GALK2: variants seen among roughly 807,000 people sequenced by gnomAD.
GALK2 encodes galactokinase 2, also known as N-acetylgalactosamine kinase.
GALK2 carries 36 observed loss-of-function variants against 52.4 expected under a neutral mutation model. That is an observed-to-expected ratio of 0.69 (90% CI 0.53 to 0.91). The LOEUF (loss-of-function observed/expected upper bound fraction) is 0.91. Ranked by LOEUF, GALK2 falls within the 40% of genes least tolerant of loss-of-function variation. The pLI is 0.00. For missense variants in GALK2, 579 were observed against 559.1 expected (o/e 1.04, Z -0.36); for synonymous variants, 176 against 199.1 (o/e 0.88, Z 0.98).
At chr15:49,243,391 C>T (rs1314532821) in intron 5 of GALK2, among the ~76,000 whole-genome samples, 1 of 152,064 alleles carries the variant, frequency 6.6e-6, no homozygotes, top group Non-Finnish European at 1.5e-5. Context: ...AACCTCACCA[C>T]CCTACACTCC....
chr15:49,163,026 T>TATG (rs1467973276), intron 1 of GALK2, among the ~76,000 whole-genome samples: 1 of 152,242 alleles, frequency 6.6e-6, no homozygotes, highest in Non-Finnish European at 1.5e-5. Flanking sequence ...GGTTGGGTCA[T>TATG]ATGGTAGGTA....
rs1411833956 is a variant in GALK2, at chr15:49,354,908, G to C, written c.427-12583G>C. Reference sequence around the variant, plus strand: ...CTGGAGATCTGAGAACGGGCAGACTGCCTCCTCAAGTGGGTCCCTGACCCC... The same window carrying C: ...CTGGAGATCTGAGAACGGGCAGACTCCCTCCTCAAGTGGGTCCCTGACCCC... On this transcript the variant is annotated intron_variant, in intron 3 of 3. Transcript: ENST00000558399. Among the ~76,000 whole-genome samples, 8 of 152,140 alleles carry C rather than the reference G, an allele frequency of 5.3e-5. No individual in the cohort carries two copies. The South Asian group carries it at 1.0e-3, about 20-fold the overall frequency.
chr15:49,212,226 G>A (rs1447796364), intron 2 of GALK2, among the ~76,000 whole-genome samples: 1 of 152,048 alleles, frequency 6.6e-6, no homozygotes, highest in Non-Finnish European at 1.5e-5. Context: ...CCGAGTAGCT[G>A]GGATTACAGG....
At chr15:49,345,623 T>C (rs1417941027) in intron 3 of GALK2, among the ~76,000 whole-genome samples, 1 of 152,222 alleles carries the variant, frequency 6.6e-6, no homozygotes, top group Non-Finnish European at 1.5e-5. Flanking sequence ...TGAATTGGCC[T>C]CATACTTTAT....
rs373620147 is a variant in GALK2, at chr15:49,328,023, C to T, written c.1241C>T (p.Ala414Val). 33 of 1,613,802 alleles carry T rather than the reference C, an allele frequency of 2.0e-5. No individual in the cohort carries two copies. Among genetic ancestry groups the T allele is most frequent in the Middle Eastern group, 1.6e-4 (1 of 6,080 alleles). Reference protein sequence around the residue: ...WGGCTVSMVPADKLPSFLANV... With the variant: ...WGGCTVSMVPVDKLPSFLANV... ...GGCTGCACAGTATCAATGGTACCTG[C>T]GGACAAGCTGCCCAGCTTTCTAGCA... Residue 414 changes from alanine (A) to valine (V), a missense_variant, in exon 10 of 10, where the codon GCG becomes GTG. By Grantham distance (64) the Ala-to-Val change is moderately conservative. Transcript: ENST00000560031.
chr15:49,231,513 A>G (rs1235876574), intron 3 of GALK2, among the ~76,000 whole-genome samples: 1 of 152,210 alleles, frequency 6.6e-6, no homozygotes, highest in East Asian at 1.9e-4. Context: ...CATCCTTCTC[A>G]ACAGTCCTCA....
intron 8 of GALK2, among the ~76,000 whole-genome samples, chr15:49,316,150 G>T (rs1475105081): frequency 6.6e-6 from 1 of 152,136 alleles, no homozygotes; most frequent in Non-Finnish European, 1.5e-5. Flanking sequence ...TGAATATAAT[G>T]TGTGGAATTT....
chr15:49,367,389 A>T (rs1442764554), intron 3 of GALK2: 1 of 1,380,156 alleles, frequency 7.2e-7, no homozygotes, highest in Non-Finnish European at 9.7e-7. Flanking sequence ...ATTCAGTGAA[A>T]TGTTTTGAAT....
intron 3 of GALK2, among the ~76,000 whole-genome samples, chr15:49,223,412 G>A (rs1161664824): frequency 6.6e-6 from 1 of 152,058 alleles, no homozygotes; most frequent in African/African-American, 2.4e-5. Flanking sequence ...GGGGTTACAT[G>A]TGCAGGTTTG....
chr15:49,345,370 T>C (rs955471490), intron 3 of GALK2, among the ~76,000 whole-genome samples: 1 of 136,000 alleles, frequency 7.4e-6, no homozygotes, highest in Non-Finnish European at 1.8e-5. Context: ...CTGGGCTGCA[T>C]GATGTTGGTG....
intron 5 of GALK2, among the ~76,000 whole-genome samples, chr15:49,272,870 T>G (rs1336098056): frequency 6.6e-6 from 1 of 152,186 alleles, no homozygotes; most frequent in Non-Finnish European, 1.5e-5. Flanking sequence ...TCTCAGAATC[T>G]GGGTCCCTCT....
chr15:49,268,184 G>A (rs1037104998), intron 5 of GALK2, among the ~76,000 whole-genome samples: 1 of 152,172 alleles, frequency 6.6e-6, no homozygotes, highest in Non-Finnish European at 1.5e-5. Context: ...ATGGAGCTTA[G>A]ACTAATGGAG....
At chr15:49,223,852 G>A (rs577945897) in intron 3 of GALK2, among the ~76,000 whole-genome samples, 3 of 152,074 alleles carry the variant, frequency 2.0e-5, no homozygotes, top group Admixed American at 1.3e-4. Context: ...ATGAACATAT[G>A]AGTGCATGTG....
Position 49,181,501 on chromosome 15 carries a change from CT to C in GALK2, c.53+11146del, listed in dbSNP as rs370757144. ...AAATGTTTCTTTTTTAAAAAAAAGA[CT>C]TTTTTTTTTTTTTTTTTTTGGAACA... On this transcript the variant is annotated intron_variant, in intron 1 of 9. Coordinates refer to ENST00000560031, the MANE Select transcript of GALK2 (RefSeq NM_002044.4). Among the ~76,000 whole-genome samples, 476 of 113,624 alleles carry C rather than the reference CT, an allele frequency of 4.2e-3. 4 individuals carry two copies. Among genetic ancestry groups the C allele is most frequent in the African/African-American group, 0.011 (322 of 30,632 alleles). 74.5% of individuals were successfully genotyped at this position (113,624 alleles called of 152,430 possible). A position where few individuals can be genotyped will look rare whatever the true frequency, so the allele number is the denominator to read the frequency against.
intron 1 of GALK2, among the ~76,000 whole-genome samples, chr15:49,172,019 C>G (rs1376959535): frequency 6.6e-6 from 1 of 152,130 alleles, no homozygotes; most frequent in Non-Finnish European, 1.5e-5. Flanking sequence ...GTGATCCGCC[C>G]GTCTCAGCCT....
intron 7 of GALK2, among the ~76,000 whole-genome samples, chr15:49,287,433 A>G (rs2033486660): frequency 6.6e-6 from 1 of 152,194 alleles, no homozygotes; most frequent in Admixed American, 6.5e-5. Flanking sequence ...AAAACTGCTA[A>G]TGTGCACTTT....
intron 1 of GALK2, among the ~76,000 whole-genome samples, chr15:49,187,609 C>G (rs1266183792): frequency 1.3e-5 from 2 of 152,148 alleles, no homozygotes; most frequent in African/African-American, 4.8e-5. Flanking sequence ...GTGCTCTATT[C>G]CACTGTGGCT....
At chr15:49,327,363 G>C (rs921646217) in intron 9 of GALK2, 1 of 152,198 alleles carries the variant, frequency 6.6e-6, no homozygotes, top group African/African-American at 2.4e-5. Context: ...ACCAACCACC[G>C]ACCCAACCTG....
chr15:49,343,634 G>C (rs2041068750), intron 3 of GALK2: 1 of 152,142 alleles, frequency 6.6e-6, no homozygotes, highest in South Asian at 2.1e-4. Flanking sequence ...TTGTGTTCCT[G>C]AGGGCAACTC....
Sources: gnomAD v4.1 joint callset for allele counts (sites outside exome capture counted in the v4.1 genomes callset) on GRCh38, gnomAD v4.1.1 for gene constraint, MANE v1.5 for transcripts, NCBI Gene and HGNC (gene_info 2026-07-23, HGNC 2026-07-21) for gene names.